SVIL: variants seen among roughly 807,000 people sequenced by gnomAD.
SVIL encodes archvillin.
A neutral mutation model predicts 240.4 loss-of-function variants in SVIL; 101 were observed. The ratio of observed to expected loss-of-function variants is 0.42; its 90% CI spans 0.36 to 0.50. The LOEUF (loss-of-function observed/expected upper bound fraction) is 0.50, where lower values mean the gene tolerates loss of function less well. SVIL is among the 20% of genes least tolerant of loss of function. The pLI, the probability that SVIL is intolerant of heterozygous loss-of-function variation, is 0.01. For synonymous variants in SVIL, 999 were observed against 1,100.0 expected, an observed-to-expected ratio of 0.91 and a Z score of 1.82; for missense variants, 2,512 against 2,818.7, an observed-to-expected ratio of 0.89 and a Z score of 2.46.
chr10:29,719,423 G>T (rs1963840420), intron 1 of SVIL, among the ~76,000 whole-genome samples: 1 of 152,102 alleles, frequency 6.6e-6, no homozygotes, highest in African/African-American at 2.4e-5. Context: ...CCAAAACAAA[G>T]CTCAACAATA....
intron 1 of SVIL, among the ~76,000 whole-genome samples, chr10:29,692,786 C>T (rs1312491483): frequency 6.6e-6 from 1 of 152,026 alleles, no homozygotes; most frequent in Non-Finnish European, 1.5e-5. Context: ...AGCTGCTGTG[C>T]CCAGGCGGGA....
intron 9 of SVIL, among the ~76,000 whole-genome samples, chr10:29,531,620 A>G (rs1261791631): frequency 6.6e-6 from 1 of 152,232 alleles, no homozygotes; most frequent in Admixed American, 6.5e-5. Context: ...ACTCAAATAC[A>G]ACAAGTAGAT....
At position 29,486,475 on chromosome 10, in the gene SVIL, A is replaced by C; in HGVS notation, c.4568T>G (p.Ile1523Ser). ...TTTGGCTGCATGAGTGTGTGTATTA[A>C]TTCCTTCTTCAATGGTTTGGATATA... ...ATYIQTIEEGINTHTHAAKDF... is the reference protein window; with the variant it reads ...ATYIQTIEEGSNTHTHAAKDF... Residue 1523 changes from isoleucine to serine, a missense_variant, in exon 25 of 38, where the codon ATT becomes AGT. This residue lies in a region of SVIL where 797 missense variants were observed against 925.3 expected (regional missense o/e 0.86). Coordinates refer to ENST00000355867, the MANE Select transcript of SVIL (RefSeq NM_021738.3). The C allele has an allele frequency of 6.2e-7, 1 of 1,614,176 alleles. No homozygotes were observed. The highest frequency in any genetic ancestry group is 8.5e-7 in the Non-Finnish European group (1 of 1,180,016).
Position 29,526,957 on chromosome 10 carries a change from G to A in SVIL, c.2342+4C>T, listed in dbSNP as rs1950964526. The A allele has an allele frequency of 1.3e-6, 2 of 1,594,010 alleles. No individual in the cohort carries two copies. Among genetic ancestry groups the A allele is most frequent in the Non-Finnish European group, 8.5e-7 (1 of 1,172,680 alleles). The stretch of plus-strand genomic sequence containing the variant: ...TGCCGCATGCATCTGTATCTGTCCA[G>A]TACCTGGCAGGCTGCACAGCGCTCC... On this transcript the variant is annotated splice_donor_region_variant and intron_variant, in intron 13 of 37. Coordinates refer to ENST00000355867, the MANE Select transcript of SVIL (RefSeq NM_021738.3).
intron 29 of SVIL, among the ~76,000 whole-genome samples, chr10:29,480,199 A>T (rs1422333890): frequency 4.6e-5 from 7 of 152,228 alleles, no homozygotes; most frequent in Non-Finnish European, 2.9e-5. Flanking sequence ...GCACACAGCC[A>T]CATGGGAAAT....
intron 18 of SVIL, 46 bp downstream of exon 18, chr10:29,499,070 G>T: frequency 5.0e-6 from 8 of 1,599,634 alleles, no homozygotes; most frequent in Non-Finnish European, 6.8e-6. Flanking sequence ...GTGCTCACGT[G>T]TGTGCATTGT....
At chr10:29,647,623 A>AAG (rs1958700088) in intron 3 of SVIL, among the ~76,000 whole-genome samples, 1 of 129,196 alleles carries the variant, frequency 7.7e-6, no homozygotes, top group East Asian at 2.5e-4. Flanking sequence ...ATGCAAATAT[A>AAG]GGTGTGTGTG....
chr10:29,542,123 A>G (rs1459690635), intron 6 of SVIL, among the ~76,000 whole-genome samples: 1 of 152,196 alleles, frequency 6.6e-6, no homozygotes, highest in Non-Finnish European at 1.5e-5. Context: ...GAAACCAAAC[A>G]CAATTTGCAT....
intron 1 of SVIL, among the ~76,000 whole-genome samples, chr10:29,588,330 C>T (rs1199646628): frequency 2.0e-5 from 3 of 150,116 alleles, no homozygotes; most frequent in Non-Finnish European, 2.9e-5. Flanking sequence ...GTGGCAGAGA[C>T]GCATCTGACA....
intron 2 of SVIL, among the ~76,000 whole-genome samples, chr10:29,658,820 C>A (rs1248083932): frequency 6.6e-6 from 1 of 152,052 alleles, no homozygotes; most frequent in Admixed American, 6.6e-5. Flanking sequence ...CACAAAGGGA[C>A]AACTGAGAAA....
At chr10:29,490,590 A>C (rs1420473596) in intron 22 of SVIL, among the ~76,000 whole-genome samples, 109 of 124,594 alleles carry the variant, frequency 8.7e-4, no homozygotes, top group Non-Finnish European at 1.4e-3. Flanking sequence ...GTCTTTAAAA[A>C]AAAAAAAAAA....
At chr10:29,531,155 G>A (rs1554838356) in intron 10 of SVIL, 99 bp downstream of exon 10, 1 of 1,142,758 alleles carries the variant, frequency 8.8e-7, no homozygotes, top group Non-Finnish European at 1.3e-6. Context: ...ACACTGTTAT[G>A]CTCCATCATC....
chr10:29,594,774 C>G (rs1956519858), intron 1 of SVIL, among the ~76,000 whole-genome samples: 1 of 152,304 alleles, frequency 6.6e-6, no homozygotes, highest in African/African-American at 2.4e-5. Context: ...CTAGGCCAGT[C>G]TTGAACTCCT....
At chr10:29,626,334 C>CT (rs1448823250) in intron 1 of SVIL, among the ~76,000 whole-genome samples, 5 of 152,180 alleles carry the variant, frequency 3.3e-5, no homozygotes, top group Non-Finnish European at 7.3e-5. Context: ...GCTCAGGGTA[C>CT]TTTAGTACCA....
rs1951216787 is a variant in SVIL at position 29,529,707 on chromosome 10, G to A, written c.2244C>T (p.Ala748=). ...PITTEEVVIA[A]TEPIPASCSG... ...TGAGAAGTCCTGTGGGCACTTACGT[G>A]GCTGCGATGACCACCTCTTCAGTGG... Residue 748 remains alanine, a splice_region_variant and synonymous_variant, in exon 12 of 38, where the codon GCC becomes GCT. Coordinates refer to ENST00000355867, the MANE Select transcript of SVIL (RefSeq NM_021738.3). 3.7e-6 allele frequency: 6 copies of A among 1,603,182 alleles called. No individual in the cohort carries two copies. Among genetic ancestry groups the A allele is most frequent in the Non-Finnish European group, 5.1e-6 (6 of 1,176,526 alleles).
intron 1 of SVIL, among the ~76,000 whole-genome samples, chr10:29,717,747 C>T (rs762416223): frequency 8.5e-5 from 13 of 152,104 alleles, no homozygotes; most frequent in South Asian, 2.1e-4. Flanking sequence ...ATGCGAATAT[C>T]GTGGAGAATG....
intron 1 of SVIL, among the ~76,000 whole-genome samples, chr10:29,578,194 A>G (rs1955786858): frequency 6.6e-6 from 1 of 152,228 alleles, no homozygotes. Flanking sequence ...CCAAGACATT[A>G]ATTCTCTCAC....
At chr10:29,630,769 T>C (rs1017411376) in intron 1 of SVIL, among the ~76,000 whole-genome samples, 5 of 152,084 alleles carry the variant, frequency 3.3e-5, no homozygotes, top group African/African-American at 1.2e-4. Flanking sequence ...GGAGAACTTA[T>C]AACACAGAAC....
In SVIL at chr10:29,487,355, C is replaced by G. The variant is rs1315930434; in HGVS notation, c.4349-56G>C. ...CCAGACAGAACGGGGATAGGACGCA[C>G]CCCATATCGGAAGCATCCCTGCTGC... On this transcript the variant is annotated intron_variant, in intron 23 of 37. Coordinates refer to ENST00000355867, the MANE Select transcript of SVIL (RefSeq NM_021738.3). 5.9e-5 allele frequency: 94 copies of G among 1,594,494 alleles called. 1 individual carries two copies. The East Asian group carries it at 2.1e-3, about 35-fold the overall frequency.
Sources: allele counts gnomAD v4.1 joint callset (sites outside exome capture counted in the v4.1 genomes callset), GRCh38; gene constraint gnomAD v4.1.1; regional missense constraint gnomAD v4.1.1; transcripts MANE v1.5; gene names NCBI Gene and HGNC (gene_info 2026-07-23, HGNC 2026-07-21).